The following ARMC2 variants were observed in gnomAD, a reference collection of about 807,000 sequenced individuals.
The protein encoded by ARMC2 is armadillo repeat-containing protein 2.
ARMC2 carries 67 observed loss-of-function variants against 90.3 expected under a neutral mutation model. The observed-to-expected ratio is 0.74, with a 90% confidence interval of 0.61 to 0.91. ARMC2 has a LOEUF of 0.91. Ranked by LOEUF, ARMC2 falls within the 40% of genes least tolerant of loss-of-function variation. ARMC2 has a pLI of 0.00. For missense variants in ARMC2, 920 were observed against 1,030.9 expected (o/e 0.89, Z 1.47); for synonymous variants, 393 against 393.0 (o/e 1.00, Z 0.00).
At chr6:108,881,901 C>T (rs547107390) in intron 5 of ARMC2, among the ~76,000 whole-genome samples, 3 of 152,238 alleles carry the variant, frequency 2.0e-5, no homozygotes, top group Non-Finnish European at 4.4e-5. Context: ...AGAATACCTC[C>T]GTTCGCTCTC....
chr6:108,955,582 A>G (rs955971129), intron 13 of ARMC2, among the ~76,000 whole-genome samples: 2 of 152,100 alleles, frequency 1.3e-5, no homozygotes, highest in Non-Finnish European at 2.9e-5. Flanking sequence ...ATCACGTGTC[A>G]CCTGTCTTGA....
chr6:108,957,127 G>A lies in ARMC2; in HGVS notation c.1915+3776G>A, dbSNP rs145818169. ...AACCCTGCTCTCCTGTGATGGGTCA[G>A]GCCTCTTGCCTACTATGCCTTAGGC... On this transcript the variant is annotated intron_variant, in intron 13 of 17. Coordinates refer to ENST00000392644, the MANE Select transcript of ARMC2 (RefSeq NM_032131.6). Among the ~76,000 whole-genome samples, 212 of 152,334 alleles carry A rather than the reference G, an allele frequency of 1.4e-3. No individual in the cohort carries two copies. The South Asian group carries it at 0.02, about 15-fold the overall frequency.
intron 2 of ARMC2, among the ~76,000 whole-genome samples, chr6:108,855,818 G>C (rs907668416): frequency 6.6e-6 from 1 of 152,162 alleles, no homozygotes; most frequent in African/African-American, 2.4e-5. Flanking sequence ...GTGATGTGGA[G>C]CATCTTTTTA....
intron 5 of ARMC2, among the ~76,000 whole-genome samples, chr6:108,885,680 A>G (rs984447434): frequency 7.2e-5 from 11 of 152,106 alleles, no homozygotes; most frequent in African/African-American, 1.2e-4. Flanking sequence ...TCGCAAAAAA[A>G]AAAAGAAAAG....
chr6:108,857,916 G>C (rs1273385016), intron 2 of ARMC2, among the ~76,000 whole-genome samples: 1 of 152,166 alleles, frequency 6.6e-6, no homozygotes. Flanking sequence ...GTTACTAGCA[G>C]TTGTCCCATA....
chr6:108,863,329 C>A lies in ARMC2; in HGVS notation c.291+5058C>A, dbSNP rs541890489. On this transcript the variant is annotated intron_variant, in intron 3 of 17. Transcript: ENST00000392644. ...AACCCCTAGCCTCAAGTGATCCCCC[C>A]ACCTTGGCCTCCTAGAGTGCTGGGA... Among the ~76,000 whole-genome samples the A allele has an allele frequency of 4.6e-5, 7 of 152,274 alleles. No individual in the cohort carries two copies. In the South Asian group the frequency reaches 6.2e-4, roughly 14 times the overall value.
chr6:108,937,032 G>A (rs983321309), intron 12 of ARMC2, 33 bp downstream of exon 12: 1 of 1,474,446 alleles, frequency 6.8e-7, no homozygotes, highest in Non-Finnish European at 9.3e-7. Flanking sequence ...TCTTCAATGA[G>A]TCTTTACACT....
chr6:109,009,558 G>T, the ARMC2 span: 10 of 1,126,456 alleles, frequency 8.9e-6, no homozygotes, highest in East Asian at 1.4e-4. Flanking sequence ...CGGACGGCGG[G>T]GGGGCGGGGC....
intron 8 of ARMC2, among the ~76,000 whole-genome samples, chr6:108,909,393 GATAA>G (rs1178574748): frequency 6.6e-6 from 1 of 150,390 alleles, no homozygotes; most frequent in African/African-American, 2.4e-5. Context: ...TACTACTTTA[GATAA>G]ATACACAGCT....
Position 108,953,288 on chromosome 6 carries a change from C to A in ARMC2, c.1852C>A (p.Pro618Thr). 1 of 1,612,118 alleles carries A rather than the reference C, an allele frequency of 6.2e-7. No homozygotes were observed. The highest frequency in any genetic ancestry group is 8.5e-7 in the Non-Finnish European group (1 of 1,179,846). ...TRVLANIAIH[P>T]GVGPVLAANP... The stretch of plus-strand genomic sequence containing the variant: ...TGTGCTGGCCAACATTGCCATCCAC[C>A]CGGGCGTGGGCCCGGTGCTGGCCGC... The change falls in exon 13 of 18, where the codon CCG (proline) becomes ACG (threonine). Residue 618 changes from proline to threonine, a missense_variant. Transcript: ENST00000392644.
intron 8 of ARMC2, 131 bp from the exon 9 acceptor site, chr6:108,910,768 T>G: frequency 2.2e-6 from 1 of 456,496 alleles, no homozygotes; most frequent in Non-Finnish European, 3.6e-6. Context: ...TTTTTCAAAG[T>G]TGATTTCTTT....
At chr6:108,968,685 T>C (rs918089417) in intron 17 of ARMC2, among the ~76,000 whole-genome samples, 26 of 151,784 alleles carry the variant, frequency 1.7e-4, no homozygotes, top group African/African-American at 6.3e-4. Context: ...CAAAGATAGC[T>C]AAAACAAACA....
intron 10 of ARMC2, 134 bp downstream of exon 10, chr6:108,912,692 T>C (rs772404730): frequency 5.5e-5 from 41 of 746,384 alleles, no homozygotes; most frequent in Non-Finnish European, 8.7e-5. Flanking sequence ...GCAGCAGCCA[T>C]AGCCCACCTC....
chr6:109,036,936 T>A, the ARMC2 span, among the ~76,000 whole-genome samples: 1 of 152,232 alleles, frequency 6.6e-6, no homozygotes, highest in Non-Finnish European at 1.5e-5. Context: ...CAAAAAGGTT[T>A]ACAGATGTTT....
intron 3 of ARMC2, among the ~76,000 whole-genome samples, chr6:108,861,217 A>T (rs1197473689): frequency 2.6e-5 from 4 of 152,024 alleles, no homozygotes; most frequent in Non-Finnish European, 1.5e-5. Flanking sequence ...GCTTTATGAG[A>T]TTGGTATGTT....
intron 10 of ARMC2, among the ~76,000 whole-genome samples, chr6:108,920,925 G>T (rs1774496911): frequency 6.6e-6 from 1 of 152,164 alleles, no homozygotes; most frequent in Admixed American, 6.5e-5. Context: ...TGGATGGCCA[G>T]GAGTGTTATG....
At chr6:109,048,907 G>A in the ARMC2 span, among the ~76,000 whole-genome samples, 35 of 152,074 alleles carry the variant, frequency 2.3e-4, no homozygotes, top group African/African-American at 6.3e-4. Context: ...AAAAAGTGAC[G>A]GGATGAGTAC....
intron 11 of ARMC2, among the ~76,000 whole-genome samples, chr6:108,931,156 T>C (rs1282585409): frequency 1.3e-5 from 2 of 151,968 alleles, no homozygotes; most frequent in East Asian, 3.9e-4. Flanking sequence ...CTCCCACTTA[T>C]AAGTGAGAAC....
chr6:108,854,093 C>G, intron 1 of ARMC2, 132 bp from the exon 2 acceptor site: 1 of 513,790 alleles, frequency 1.9e-6, no homozygotes, highest in Non-Finnish European at 3.5e-6. Context: ...CAGATCCTAA[C>G]CTTCTAACTG....
Sources: allele counts gnomAD v4.1 joint callset (sites outside exome capture counted in the v4.1 genomes callset), GRCh38; gene constraint gnomAD v4.1.1; transcripts MANE v1.5; gene names NCBI Gene and HGNC (gene_info 2026-07-23, HGNC 2026-07-21).